CACNG4: variants seen among roughly 807,000 people sequenced by gnomAD.
CACNG4 encodes the protein voltage-dependent calcium channel gamma-4 subunit.
Under a neutral mutation model 22.9 loss-of-function variants are expected in CACNG4, and 8 were observed. That is an observed-to-expected ratio of 0.35 (90% CI 0.21 to 0.63). CACNG4 has a LOEUF of 0.63. CACNG4 is among the 30% of genes least tolerant of loss of function. The pLI is 0.72. For missense variants in CACNG4, 357 were observed against 455.4 expected (o/e 0.78, Z 1.97); for synonymous variants, 188 against 191.9 (o/e 0.98, Z 0.17).
At chr17:67,019,540 C>G (rs1032554798) in intron 2 of CACNG4, among the ~76,000 whole-genome samples, 1 of 152,228 alleles carries the variant, frequency 6.6e-6, no homozygotes, top group South Asian at 2.1e-4. Context: ...CACGTCTGCA[C>G]AACCAGCCAC....
chr17:67,001,954 C>A (rs2143327012), intron 1 of CACNG4, among the ~76,000 whole-genome samples: 1 of 152,338 alleles, frequency 6.6e-6, no homozygotes, highest in South Asian at 2.1e-4. Flanking sequence ...AGCCCATGAT[C>A]TGGCGGCTCC....
At chr17:66,978,857 C>T (rs55693495) in intron 1 of CACNG4, among the ~76,000 whole-genome samples, 5,148 of 152,318 alleles carry the variant, frequency 0.034, 285 homozygotes, top group African/African-American at 0.12. Flanking sequence ...TTTCTGCCTG[C>T]GGATTCCTGA....
chr17:67,027,519 G>A lies in CACNG4; in HGVS notation c.445+2519G>A, dbSNP rs1183380098. Among the ~76,000 whole-genome samples, 1 of 152,232 alleles carries A rather than the reference G, an allele frequency of 6.6e-6. No homozygotes were observed. The highest frequency in any genetic ancestry group is 1.5e-5 in the Non-Finnish European group (1 of 68,044). On this transcript the variant is annotated intron_variant, in intron 3 of 3. Transcript: ENST00000262138. The surrounding 1 kb of genome is among the most constrained non-coding windows in gnomAD (Gnocchi z 4.3). ...CCAGCCCTAGCAGGGAGGTCTGACA[G>A]GCTCTTAAAGAACTCGAGGTGGAAA...
intron 1 of CACNG4, among the ~76,000 whole-genome samples, chr17:66,974,179 C>A (rs2035222008): frequency 6.6e-6 from 1 of 152,202 alleles, no homozygotes; most frequent in Non-Finnish European, 1.5e-5. Flanking sequence ...ACAGTACCGA[C>A]TGCAGAAGCC....
At chr17:67,013,083 G>A (rs1444049916) in intron 1 of CACNG4, among the ~76,000 whole-genome samples, 2 of 152,094 alleles carry the variant, frequency 1.3e-5, no homozygotes, top group South Asian at 2.1e-4. Context: ...AGCTCACCCC[G>A]TTTGCCTGGA....
chr17:67,014,281 C>A lies in CACNG4; in HGVS notation c.221-3908C>A, dbSNP rs191638058. On this transcript the variant is annotated intron_variant, in intron 1 of 3. Transcript: ENST00000262138. ...ATTGAAAATGGCTTTCTTTCTTACTCCTTGCATCAGCTATTCATTTTCTCC... is the reference window on the plus strand; with the variant it reads ...ATTGAAAATGGCTTTCTTTCTTACTACTTGCATCAGCTATTCATTTTCTCC... 3.5e-3 allele frequency among the ~76,000 whole-genome samples: 540 copies of A among 152,298 alleles called. 4 individuals are homozygous for A. Among genetic ancestry groups the A allele is most frequent in the African/African-American group, 0.012 (511 of 41,540 alleles).
intron 2 of CACNG4, among the ~76,000 whole-genome samples, chr17:67,020,508 G>A (rs936832373): frequency 6.6e-6 from 1 of 152,234 alleles, no homozygotes. Flanking sequence ...CGGCTTTCGG[G>A]CCTGTGGTCT....
Position 66,964,998 on chromosome 17 carries a change from C to T in CACNG4, c.87C>T (p.Gly29=), listed in dbSNP as rs1413768489. Residue 29 remains glycine (G), a synonymous_variant, in exon 1 of 4, where the codon GGC becomes GGT. Transcript: ENST00000262138. The part of the protein sequence containing the change: ...AAFSLMAIAI[G]TDYWLYSSAH... The stretch of plus-strand genomic sequence containing the variant: ...TCTCGCTCATGGCCATCGCCATCGG[C>T]ACCGACTACTGGCTGTACTCCAGCG... The T allele has an allele frequency of 1.2e-6, 2 of 1,611,500 alleles. No homozygotes were observed. Among genetic ancestry groups the T allele is most frequent in the African/African-American group, 1.3e-5 (1 of 74,674 alleles).
intron 2 of CACNG4, among the ~76,000 whole-genome samples, chr17:67,022,361 C>T (rs762909717): frequency 2.6e-5 from 4 of 152,150 alleles, no homozygotes; most frequent in Non-Finnish European, 4.4e-5. Flanking sequence ...TTCCTTCTTT[C>T]GGATTCCTCT....
chr17:67,019,692 G>A (rs1165648717), intron 2 of CACNG4, among the ~76,000 whole-genome samples: 1 of 152,158 alleles, frequency 6.6e-6, no homozygotes, highest in Non-Finnish European at 1.5e-5. Flanking sequence ...GCCCAACCCT[G>A]GGACTGTAAG....
chr17:67,014,245 A>G (rs1281245771), intron 1 of CACNG4, among the ~76,000 whole-genome samples: 2 of 152,214 alleles, frequency 1.3e-5, no homozygotes, highest in African/African-American at 4.8e-5. Context: ...GAGCGAACAC[A>G]TGTGAAGTGG....
At chr17:67,018,700 C>G (rs983546171) in intron 2 of CACNG4, among the ~76,000 whole-genome samples, 1 of 152,192 alleles carries the variant, frequency 6.6e-6, no homozygotes, top group Non-Finnish European at 1.5e-5. Flanking sequence ...CTCCTGCATA[C>G]TCTCTTCCAT....
chr17:66,988,053 GTATA>G (rs1281622247), intron 1 of CACNG4, among the ~76,000 whole-genome samples: 3 of 127,946 alleles, frequency 2.3e-5, no homozygotes, highest in African/African-American at 1.2e-4. Context: ...GTGTGTGTGT[GTATA>G]TATATATATA....
Position 66,964,802 on chromosome 17 carries a change from C to T in CACNG4, c.-110C>T, listed in dbSNP as rs2143260176. 1 of 371,394 alleles carries T rather than the reference C, an allele frequency of 2.7e-6. No individual in the cohort carries two copies. The highest frequency in any genetic ancestry group is 3.7e-6 in the Non-Finnish European group (1 of 272,460). The allele number at this position is 371,394 out of a possible 1,614,324, so 23.0% of individuals were successfully genotyped here. Reference sequence around the variant, plus strand: ...GGAGCGCGCAGCGCGGCGCCGCCCCCCGGCCCTCGGCCCCCCAACCCCGGC... The same window carrying T: ...GGAGCGCGCAGCGCGGCGCCGCCCCTCGGCCCTCGGCCCCCCAACCCCGGC... On this transcript the variant is annotated 5_prime_UTR_variant, in exon 1 of 4. Coordinates refer to ENST00000262138, the MANE Select transcript of CACNG4 (RefSeq NM_014405.4).
intron 1 of CACNG4, among the ~76,000 whole-genome samples, chr17:66,966,614 T>A (rs2035172664): frequency 6.6e-6 from 1 of 152,110 alleles, no homozygotes; most frequent in Admixed American, 6.6e-5. Flanking sequence ...CCTTTTCCCC[T>A]CCAGACCATG....
chr17:67,024,205 G>C (rs1193505402), intron 2 of CACNG4, among the ~76,000 whole-genome samples: 2 of 152,190 alleles, frequency 1.3e-5, no homozygotes, highest in Non-Finnish European at 2.9e-5. Context: ...TCACCTAGGG[G>C]CTGATGATGA....
intron 3 of CACNG4, among the ~76,000 whole-genome samples, chr17:67,026,677 G>A (rs2035569499): frequency 6.6e-6 from 1 of 150,640 alleles, no homozygotes; most frequent in Admixed American, 6.6e-5. Context: ...GAGGACTGTG[G>A]TGTGTGTGTG....
chr17:67,009,460 A>G (rs1320558330), intron 1 of CACNG4, among the ~76,000 whole-genome samples: 1 of 152,178 alleles, frequency 6.6e-6, no homozygotes, highest in South Asian at 2.1e-4. Flanking sequence ...TTGGTTTTAC[A>G]TCTCCTTGCT....
chr17:66,982,104 G>C (rs1036165663), intron 1 of CACNG4, among the ~76,000 whole-genome samples: 1 of 152,184 alleles, frequency 6.6e-6, no homozygotes, highest in Admixed American at 6.5e-5. Context: ...CTTAAAGGTG[G>C]CACGGACCCA....
Sources: gnomAD v4.1 joint callset for allele counts (sites outside exome capture counted in the v4.1 genomes callset) on GRCh38, gnomAD v4.1.1 for gene constraint, Gnocchi (gnomAD v3.1) non-coding constraint, MANE v1.5 for transcripts, NCBI Gene and HGNC (gene_info 2026-07-23, HGNC 2026-07-21) for gene names.